CNGB1: variants seen among roughly 807,000 people sequenced by gnomAD.
The protein encoded by CNGB1 is cyclic nucleotide-gated channel beta-1.
CNGB1 carries 126 observed loss-of-function variants against 151.7 expected under a neutral mutation model. That is an observed-to-expected ratio of 0.83 (90% CI 0.72 to 0.96). The LOEUF (loss-of-function observed/expected upper bound fraction) is 0.96, where lower values mean the gene tolerates loss of function less well. Ranked by LOEUF, CNGB1 falls within the 40% of genes least tolerant of loss-of-function variation. The probability of loss-of-function intolerance (pLI) is 0.00; values close to 1 mark genes in which losing one functional copy is unlikely to be tolerated. For missense variants in CNGB1, 1,698 were observed against 1,627.0 expected (o/e 1.04, Z -0.75); for synonymous variants, 623 against 635.1 (o/e 0.98, Z 0.29).
intron 16 of CNGB1, among the ~76,000 whole-genome samples, chr16:57,938,746 T>C (rs1961578300): frequency 6.6e-6 from 1 of 152,172 alleles, no homozygotes; most frequent in Non-Finnish European, 1.5e-5. Context: ...GTGGGGAATG[T>C]GGAGTGTAAG....
intron 18 of CNGB1, 56 bp downstream of exon 18, chr16:57,923,217 C>T (rs1318498757): frequency 7.8e-7 from 1 of 1,287,004 alleles, no homozygotes; most frequent in Non-Finnish European, 1.1e-6. Context: ...AGCCCCCCCA[C>T]ATCCCCCACC....
At chr16:57,953,195 C>T (rs1329813140) in intron 12 of CNGB1, among the ~76,000 whole-genome samples, 11 of 152,152 alleles carry the variant, frequency 7.2e-5, no homozygotes, top group African/African-American at 2.7e-4. Flanking sequence ...TGACCCTGGC[C>T]AGTGAAAGTC....
At chr16:57,925,867 T>C (rs1258120257) in intron 17 of CNGB1, among the ~76,000 whole-genome samples, 1 of 152,102 alleles carries the variant, frequency 6.6e-6, no homozygotes, top group East Asian at 1.9e-4. Context: ...TTCGTATTTT[T>C]AGTAGAGACA....
Position 57,961,631 on chromosome 16 carries a change from GGAATGAATGAAT to G in CNGB1, c.459-728_459-717del, listed in dbSNP as rs10533777. On this transcript the variant is annotated intron_variant, in intron 7 of 32. Transcript: ENST00000251102. ...AGACACAGAGAGAGAGCTGCAGCAA[GGAATGAATGAAT>G]GAATGAATGAATGAATGAATGAATG... Among the ~76,000 whole-genome samples, 1,238 of 150,894 alleles carry G rather than the reference GGAATGAATGAAT, an allele frequency of 8.2e-3. 16 individuals are homozygous for G. Among genetic ancestry groups the G allele is most frequent in the African/African-American group, 0.027 (1,104 of 41,084 alleles).
chr16:57,963,901 G>C, intron 4 of CNGB1: 1 of 580,044 alleles, frequency 1.7e-6, no homozygotes, highest in Non-Finnish European at 3.1e-6. Flanking sequence ...ATGCATGACT[G>C]GATTTCCAGC....
At chr16:57,960,983 G>C in intron 7 of CNGB1, 68 bp from the exon 8 acceptor site, 1 of 1,456,242 alleles carries the variant, frequency 6.9e-7, no homozygotes, top group South Asian at 1.2e-5. Context: ...AGCCCACCTC[G>C]GGGCCAGGCC....
intron 31 of CNGB1, 68 bp downstream of exon 31, chr16:57,897,329 C>A: frequency 2.3e-5 from 32 of 1,379,086 alleles, no homozygotes; most frequent in Non-Finnish European, 3.1e-5. Flanking sequence ...GATAAAGGTA[C>A]TGTGGTTATG....
At chr16:57,904,673 C>T in intron 26 of CNGB1, 61 bp downstream of exon 26, 1 of 1,610,540 alleles carries the variant, frequency 6.2e-7, no homozygotes, top group Non-Finnish European at 8.5e-7. Context: ...ACATTTCTGG[C>T]AACAGTGGGA....
intron 2 of CNGB1, among the ~76,000 whole-genome samples, chr16:57,964,949 C>T (rs1962353715): frequency 6.6e-6 from 1 of 152,168 alleles, no homozygotes; most frequent in African/African-American, 2.4e-5. Flanking sequence ...CAGTGCTCTC[C>T]CTCTCCTTCT....
At chr16:57,959,567 A>C (rs926332079) in intron 10 of CNGB1, among the ~76,000 whole-genome samples, 1 of 152,116 alleles carries the variant, frequency 6.6e-6, no homozygotes, top group Non-Finnish European at 1.5e-5. Context: ...GCACCACTGC[A>C]TTCCAGCCTA....
In CNGB1 at chr16:57,962,994, T is replaced by C. The variant is rs1216987578; in HGVS notation, c.361A>G (p.Ile121Val). The C allele has an allele frequency of 5.0e-6, 8 of 1,613,464 alleles. No individual in the cohort carries two copies. Among genetic ancestry groups the C allele is most frequent in the Non-Finnish European group, 6.8e-6 (8 of 1,180,040 alleles). The change falls in exon 5 of 33, where the codon ATC (isoleucine) becomes GTC (valine). Residue 121 changes from isoleucine to valine, a missense_variant. Physicochemically the swap from Ile to Val is conservative, Grantham distance 29. Transcript: ENST00000251102. The stretch of plus-strand genomic sequence containing the variant: ...AGTACCTGAGCCGGGTCCTCCGTGA[T>C]GCTGTGAACAGGCTGCGGGATCACC... Reference protein sequence around the residue: ...EKVIPQPVHSITEDPAQILGH... With the variant: ...EKVIPQPVHSVTEDPAQILGH...
intron 2 of CNGB1, among the ~76,000 whole-genome samples, chr16:57,965,824 CAT>C (rs1452659967): frequency 3.3e-5 from 5 of 152,170 alleles, no homozygotes; most frequent in African/African-American, 7.2e-5. Flanking sequence ...TGTGCAAACA[CAT>C]ATACATGCAT....
intron 14 of CNGB1, among the ~76,000 whole-genome samples, chr16:57,948,755 G>T (rs867788295): frequency 6.6e-6 from 1 of 152,126 alleles, no homozygotes; most frequent in Non-Finnish European, 1.5e-5. Flanking sequence ...CCCCTGTCCA[G>T]TCATCCTTCC....
intron 18 of CNGB1, 61 bp from the exon 19 acceptor site, chr16:57,920,605 G>A: frequency 1.3e-6 from 2 of 1,594,094 alleles, no homozygotes; most frequent in East Asian, 4.5e-5. Context: ...GCACCCCCAG[G>A]CCAGAGCTGT....
At chr16:57,931,502 G>A (rs1288619746) in intron 17 of CNGB1, among the ~76,000 whole-genome samples, 2 of 152,218 alleles carry the variant, frequency 1.3e-5, no homozygotes, top group Middle Eastern at 3.4e-3. Context: ...ATAGCTGAGG[G>A]CATTTGGGAC....
At chr16:57,901,300 GC>G in intron 29 of CNGB1, 51 bp downstream of exon 29, 2 of 1,573,852 alleles carry the variant, frequency 1.3e-6, no homozygotes, top group Admixed American at 1.7e-5. Context: ...TTCCTTGAAA[GC>G]CAGGGGGATG....
intron 31 of CNGB1, among the ~76,000 whole-genome samples, chr16:57,895,228 C>T (rs1230520901): frequency 6.6e-6 from 1 of 152,120 alleles, no homozygotes; most frequent in African/African-American, 2.4e-5. Flanking sequence ...GGCAGATCAC[C>T]TGAGGTCAGG....
rs187703002 is a variant in CNGB1 at position 57,910,843 on chromosome 16, C to T, written c.2492+910G>A. Among the ~76,000 whole-genome samples the T allele has an allele frequency of 1.4e-3, 208 of 152,222 alleles. 1 individual carries two copies. The highest frequency in any genetic ancestry group is 4.1e-4 in the Non-Finnish European group (28 of 68,022). On this transcript the variant is annotated intron_variant, in intron 25 of 32. Transcript: ENST00000251102. ...CGCTAAAATGTATAAAAGCAAGCTG[C>T]ACCCCAACCACCTTGCACACATGTC...
intron 14 of CNGB1, among the ~76,000 whole-genome samples, 159 bp from the exon 15 acceptor site, chr16:57,940,480 C>G (rs1320712488): frequency 6.6e-6 from 1 of 152,160 alleles, no homozygotes; most frequent in Non-Finnish European, 1.5e-5. Flanking sequence ...CAGTGTCCTA[C>G]TAACAATCAC....
Sources: gnomAD v4.1 joint callset for allele counts (sites outside exome capture counted in the v4.1 genomes callset) on GRCh38, gnomAD v4.1.1 for gene constraint, MANE v1.5 for transcripts, NCBI Gene and HGNC (gene_info 2026-07-23, HGNC 2026-07-21) for gene names.